RYR3: variants seen among roughly 807,000 people sequenced by gnomAD.
RYR3 encodes ryanodine receptor 3.
A neutral mutation model predicts 584.3 loss-of-function variants in RYR3; 207 were observed. The ratio of observed to expected loss-of-function variants is 0.35; its 90% CI spans 0.32 to 0.40. RYR3 has a LOEUF of 0.40. Ranked by LOEUF, RYR3 falls within the 10% of genes least tolerant of loss-of-function variation. The pLI is 1.00. For synonymous variants in RYR3, 2,416 were observed against 2,248.5 expected, an observed-to-expected ratio of 1.07 and a Z score of -2.11; for missense variants, 5,616 against 6,089.2, an observed-to-expected ratio of 0.92 and a Z score of 2.59.
chr15:33,840,870 T>C lies in RYR3; in HGVS notation c.13024T>C (p.Ser4342Pro), dbSNP rs2078316373. The part of the protein sequence containing the change: ...AANEAEGKVE[S>P]EKADMEDGEK... ...AAATGAAGCAGAAGGAAAAGTAGAA[T>C]CCGAGAAGGCAGAGTAAGTTCTTGG... Residue 4342 changes from serine (S) to proline (P), a missense_variant, in exon 90 of 104, where the codon TCC becomes CCC. Ser to Pro is a moderately conservative substitution (Grantham distance 74). Coordinates refer to ENST00000634891, the MANE Select transcript of RYR3 (RefSeq NM_001036.6). 1 of 1,613,724 alleles carries C rather than the reference T, an allele frequency of 6.2e-7. No homozygotes were observed. Among genetic ancestry groups the C allele is most frequent in the Admixed American group, 1.7e-5 (1 of 59,994 alleles).
rs199644646 is a variant in RYR3 at position 33,865,902 on chromosome 15, G to GT, written c.*683dup. On this transcript the variant is annotated 3_prime_UTR_variant, in exon 104 of 104. Coordinates refer to ENST00000634891, the MANE Select transcript of RYR3 (RefSeq NM_001036.6). ...CTGCACTTGAAGGTTATTCATACAA[G>GT]TTTTTTTAGTAACAGCTGTCAGTCA... The GT allele has an allele frequency of 0.034, 5,176 of 152,714 alleles. 139 individuals are homozygous for GT. The highest frequency in any genetic ancestry group is 0.052 in the Non-Finnish European group (3,506 of 68,040). The allele number at this position is 152,714 out of a possible 1,614,324, so 9.5% of individuals were successfully genotyped here. A position where few individuals can be genotyped will look rare whatever the true frequency, so the allele number is the denominator to read the frequency against.
intron 90 of RYR3, among the ~76,000 whole-genome samples, chr15:33,841,461 T>C (rs2078357793): frequency 6.6e-6 from 1 of 152,214 alleles, no homozygotes; most frequent in South Asian, 2.1e-4. Context: ...CATATATTGA[T>C]GACAGTGATA....
At chr15:33,325,725 TCTTCCTTCCTTCCTTCCTTCCTTC>T (rs67855881) in intron 1 of RYR3, among the ~76,000 whole-genome samples, 8,414 of 91,436 alleles carry the variant, frequency 0.092, 482 homozygotes, top group Middle Eastern at 0.19. Context: ...CCCCTCCCCC[TCTTCCTTCCTTCCTTCCTTCCTTC>T]CTTCCTTCCT....
At chr15:33,710,620 T>C (rs935426105) in intron 43 of RYR3, among the ~76,000 whole-genome samples, 11 of 152,132 alleles carry the variant, frequency 7.2e-5, no homozygotes, top group Non-Finnish European at 1.5e-4. Flanking sequence ...AGTAGAGGTA[T>C]TCTGTGAGGC....
intron 52 of RYR3, among the ~76,000 whole-genome samples, chr15:33,745,215 C>T (rs1051297465): frequency 1.3e-5 from 2 of 151,962 alleles, no homozygotes; most frequent in African/African-American, 4.8e-5. Context: ...AGGGGACCCA[C>T]GAGGAGACAT....
intron 72 of RYR3, among the ~76,000 whole-genome samples, chr15:33,812,353 A>G (rs2076597853): frequency 6.6e-6 from 1 of 152,196 alleles, no homozygotes; most frequent in Non-Finnish European, 1.5e-5. Flanking sequence ...TAATTCAACC[A>G]TAAGGAGCAA....
chr15:33,740,076 T>A, intron 51 of RYR3, 81 bp downstream of exon 51: 1 of 1,259,310 alleles, frequency 7.9e-7, no homozygotes, highest in Non-Finnish European at 1.1e-6. Context: ...GCAAGAAATG[T>A]GAGCTTTACC....
intron 6 of RYR3, among the ~76,000 whole-genome samples, chr15:33,539,680 TAAG>T (rs1485681223): frequency 6.6e-6 from 1 of 152,186 alleles, no homozygotes; most frequent in African/African-American, 2.4e-5. Flanking sequence ...TAACTTTTGA[TAAG>T]AAGTAGCCTA....
intron 2 of RYR3, among the ~76,000 whole-genome samples, chr15:33,484,454 G>A (rs922648556): frequency 1.3e-5 from 2 of 152,142 alleles, no homozygotes; most frequent in African/African-American, 2.4e-5. Flanking sequence ...TATGGTTTTG[G>A]CATATGCAAA....
At chr15:33,800,975 T>G in intron 68 of RYR3, 118 bp downstream of exon 68, 1 of 754,412 alleles carries the variant, frequency 1.3e-6, no homozygotes, top group Middle Eastern at 2.3e-4. Flanking sequence ...CTGAGCCACA[T>G]GTGAGGACCA....
intron 10 of RYR3, among the ~76,000 whole-genome samples, chr15:33,555,763 A>G (rs1181043876): frequency 6.6e-6 from 1 of 152,190 alleles, no homozygotes; most frequent in African/African-American, 2.4e-5. Flanking sequence ...AAATACGGAG[A>G]AAAGAGCCCA....
At chr15:33,830,206 T>C (rs1266839201) in intron 85 of RYR3, among the ~76,000 whole-genome samples, 2 of 152,156 alleles carry the variant, frequency 1.3e-5, no homozygotes, top group Non-Finnish European at 2.9e-5. Flanking sequence ...AGGAAGTCAG[T>C]TGATGCAGTT....
intron 43 of RYR3, among the ~76,000 whole-genome samples, chr15:33,718,159 C>T (rs917972039): frequency 6.6e-6 from 1 of 152,156 alleles, no homozygotes; most frequent in Non-Finnish European, 1.5e-5. Flanking sequence ...TTCTCTCTTA[C>T]TGAGGTGGGA....
intron 67 of RYR3, among the ~76,000 whole-genome samples, chr15:33,796,429 C>CA (rs11424462): frequency 0.024 from 3,639 of 152,326 alleles, 152 homozygotes; most frequent in African/African-American, 0.082. Context: ...CCACCGCGAC[C>CA]AGCCCCATTT....
intron 5 of RYR3, among the ~76,000 whole-genome samples, chr15:33,536,136 TC>T (rs2055310086): frequency 6.6e-6 from 1 of 152,194 alleles, no homozygotes; most frequent in South Asian, 2.1e-4. Context: ...GGTCCCCTGT[TC>T]CTGTCTGGCT....
intron 1 of RYR3, among the ~76,000 whole-genome samples, chr15:33,323,124 T>G (rs1969213326): frequency 6.6e-6 from 1 of 151,908 alleles, no homozygotes; most frequent in African/African-American, 2.4e-5. Flanking sequence ...ATATATTTTT[T>G]TCTTTGAGAC....
intron 3 of RYR3, among the ~76,000 whole-genome samples, chr15:33,512,402 C>A (rs768268180): frequency 2.6e-5 from 4 of 152,252 alleles, no homozygotes; most frequent in African/African-American, 4.8e-5. Context: ...CATTTCTTCA[C>A]ATGCTGAGTT....
chr15:33,365,999 T>A (rs1975444046), intron 1 of RYR3, among the ~76,000 whole-genome samples: 1 of 152,212 alleles, frequency 6.6e-6, no homozygotes, highest in Non-Finnish European at 1.5e-5. Context: ...TAATAAGGTC[T>A]TTCCTAAAAG....
chr15:33,467,427 C>T lies in RYR3; in HGVS notation c.52-5992C>T, dbSNP rs7172960. 2.4e-4 allele frequency: 235 copies of T among 969,138 alleles called. 1 individual carries two copies. The African/African-American group carries it at 3.8e-3, about 16-fold the overall frequency. The allele number at this position is 969,138 out of a possible 1,614,324, so 60.0% of individuals were successfully genotyped here. A position where few individuals can be genotyped will look rare whatever the true frequency, so the allele number is the denominator to read the frequency against. ...AGCGGGAGAGCCAAGGTTCCCCAGC[C>T]ATCAGCTCAGAGCCAGCAGAGATGG... On this transcript the variant is annotated intron_variant, in intron 1 of 103. Coordinates refer to ENST00000634891, the MANE Select transcript of RYR3 (RefSeq NM_001036.6).
Sources: allele counts gnomAD v4.1 joint callset (sites outside exome capture counted in the v4.1 genomes callset), GRCh38; gene constraint gnomAD v4.1.1; transcripts MANE v1.5; gene names NCBI Gene and HGNC (gene_info 2026-07-23, HGNC 2026-07-21).